Variants in STARD9 observed in about 807,000 individuals in gnomAD.
STARD9 encodes the protein stAR-related lipid transfer protein 9.
Under a neutral mutation model 399.8 loss-of-function variants are expected in STARD9, and 346 were observed. The ratio of observed to expected loss-of-function variants is 0.87; its 90% confidence interval spans 0.79 to 0.95. The LOEUF is 0.95. Ranked by LOEUF, STARD9 falls within the 40% of genes least tolerant of loss-of-function variation. STARD9 has a pLI of 0.00. For missense variants in STARD9, 5,832 were observed against 5,667.5 expected, an observed-to-expected ratio of 1.03 and a Z score of -0.93; for synonymous variants, 2,203 against 2,143.5, an observed-to-expected ratio of 1.03 and a Z score of -0.77.
chr15:42,678,936 A>C (rs930526329), intron 20 of STARD9, among the ~76,000 whole-genome samples: 1 of 152,214 alleles, frequency 6.6e-6, no homozygotes, highest in Admixed American at 6.5e-5. Context: ...TGCTGCATCT[A>C]TACAGATGGC....
At chr15:42,657,849 A>T (rs1044357766) in intron 9 of STARD9, among the ~76,000 whole-genome samples, 1 of 152,254 alleles carries the variant, frequency 6.6e-6, no homozygotes, top group Non-Finnish European at 1.5e-5. Context: ...TTTTTAATAA[A>T]GTTGCAAAGG....
chr15:42,666,008 G>A (rs911611487), intron 15 of STARD9, among the ~76,000 whole-genome samples, 160 bp downstream of exon 15: 21 of 152,318 alleles, frequency 1.4e-4, no homozygotes, highest in African/African-American at 5.1e-4. Flanking sequence ...GGATGTGTTT[G>A]CCTAGGGGGA....
At chr15:42,669,520 T>C (rs1340221430) in intron 16 of STARD9, 183 bp downstream of exon 16, 1 of 477,260 alleles carries the variant, frequency 2.1e-6, no homozygotes, top group Non-Finnish European at 3.7e-6. Context: ...TGCCTTCGTA[T>C]GTATAGAGCA....
Position 42,688,052 on chromosome 15 carries a change from A to T in STARD9, c.6474A>T (p.Val2158=), listed in dbSNP as rs1415326060. 6.5e-7 allele frequency: 1 copy of T among 1,537,478 alleles called. No individual in the cohort carries two copies. The change falls in exon 23 of 33, where the codon GTA becomes GTT. Residue 2158 remains valine, a synonymous_variant. Transcript: ENST00000290607. The part of the protein sequence containing the change: ...TPNPFRSREG[V]RESEPVREHT... ...ACCCCTTCAGGTCAAGGGAAGGTGTACGAGAGAGTGAACCTGTGAGAGAGC... is the reference window on the plus strand; with the variant it reads ...ACCCCTTCAGGTCAAGGGAAGGTGTTCGAGAGAGTGAACCTGTGAGAGAGC...
At position 42,663,706 on chromosome 15, in the gene STARD9, G is replaced by C. The variant is rs1313694661; in HGVS notation, c.1079-114G>C. ...TCAGAGAAAGGGCCATGACCACCTA[G>C]GTTTCTCATTTCATCAGGGGTCTTA... On this transcript the variant is annotated intron_variant, in intron 12 of 32. Coordinates refer to ENST00000290607, the MANE Select transcript of STARD9 (RefSeq NM_020759.3). 4 of 905,026 alleles carry C rather than the reference G, an allele frequency of 4.4e-6. No individual in the cohort carries two copies. The East Asian group carries it at 1.1e-4, about 24-fold the overall frequency. The allele number at this position is 905,026 out of a possible 1,614,324, so 56.1% of individuals were successfully genotyped here. A position where few individuals can be genotyped will look rare whatever the true frequency, so the allele number is the denominator to read the frequency against.
In STARD9 at chr15:42,651,031, T is replaced by C; in HGVS notation, c.575T>C (p.Val192Ala). Reference sequence around the variant, plus strand: ...AATCCGATAGGTTTATCTCAACATGTAGTTACCAATTATAAGCAAGTAATC... The same window carrying C: ...AATCCGATAGGTTTATCTCAACATGCAGTTACCAATTATAAGCAAGTAATC... ...GPYVQGLSQHVVTNYKQVIQL... is the reference protein window; with the variant it reads ...GPYVQGLSQHAVTNYKQVIQL... The change falls in exon 8 of 33, where the codon GTA (valine) becomes GCA (alanine). Residue 192 changes from valine (V) to alanine (A), a missense_variant. By Grantham distance (64) the Val-to-Ala change is moderately conservative. Coordinates refer to ENST00000290607, the MANE Select transcript of STARD9 (RefSeq NM_020759.3). 6.5e-7 allele frequency: 1 copy of C among 1,533,338 alleles called. No individual in the cohort carries two copies. Among genetic ancestry groups the C allele is most frequent in the Non-Finnish European group, 8.7e-7 (1 of 1,144,104 alleles). 95.0% of individuals were successfully genotyped at this position (1,533,338 alleles called of 1,614,324 possible). A position where few individuals can be genotyped will look rare whatever the true frequency, so the allele number is the denominator to read the frequency against.
At chr15:42,586,258 T>C (rs876992) in intron 3 of STARD9, among the ~76,000 whole-genome samples, 117,104 of 152,142 alleles carry the variant, frequency 0.77, 46,285 homozygotes, top group Non-Finnish European at 0.87. Context: ...TCCTCCTAGG[T>C]AGAGTGGAAA....
At chr15:42,626,286 T>TCTTCCTCTTCCTCCC (rs2059210329) in intron 3 of STARD9, among the ~76,000 whole-genome samples, 4 of 149,026 alleles carry the variant, frequency 2.7e-5, no homozygotes, top group African/African-American at 7.5e-5. Flanking sequence ...CTCTTCCTCC[T>TCTTCCTCTTCCTCCC]CTTCCTCTTC....
chr15:42,606,663 A>G (rs1595621826), intron 3 of STARD9, among the ~76,000 whole-genome samples: 1 of 150,714 alleles, frequency 6.6e-6, no homozygotes. Context: ...AGTTTTTCCA[A>G]GTTGCCTAGG....
At chr15:42,711,112 A>C (rs924096274) in intron 26 of STARD9, among the ~76,000 whole-genome samples, 3 of 151,376 alleles carry the variant, frequency 2.0e-5, no homozygotes, top group African/African-American at 4.9e-5. Flanking sequence ...CAAAGTGCTG[A>C]AATTACCATC....
At chr15:42,707,711 C>A (rs966604177) in intron 26 of STARD9, among the ~76,000 whole-genome samples, 1 of 151,936 alleles carries the variant, frequency 6.6e-6, no homozygotes, top group Non-Finnish European at 1.5e-5. Flanking sequence ...ACCTCATGAT[C>A]CGCCCATAAG....
intron 13 of STARD9, 95 bp downstream of exon 13, chr15:42,664,012 T>G: frequency 1.2e-6 from 1 of 816,786 alleles, no homozygotes; most frequent in Non-Finnish European, 2.0e-6. Context: ...TGTACTCACC[T>G]CAACTTTCCA....
chr15:42,686,740 C>G lies in STARD9; in HGVS notation c.5162C>G (p.Ser1721Ter). The G allele has an allele frequency of 6.5e-7, 1 of 1,537,596 alleles. No individual in the cohort carries two copies. The highest frequency in any genetic ancestry group is 8.7e-7 in the Non-Finnish European group (1 of 1,146,982). Reference sequence around the variant, plus strand: ...ATAAATGTTTCCTTTGCCCTTCCTTCAGGTCCAGAGCTATACCTTCACTCT... The same window carrying G: ...ATAAATGTTTCCTTTGCCCTTCCTTGAGGTCCAGAGCTATACCTTCACTCT... ...RHINVSFALP[S>*]GPELYLHSAP... The change falls in exon 23 of 33, where the codon TCA becomes TGA. Residue 1721 changes from serine (S) to a stop codon, truncating the protein, a stop_gained. Transcript: ENST00000290607. LOFTEE classifies it high-confidence loss of function.
chr15:42,682,490 C>T lies in STARD9; in HGVS notation c.2452C>T (p.Arg818Trp), dbSNP rs899450100. ...CCTCAGCCCTGATGCCACAGTCCCA[C>T]GGCCTCCATGTAGAAGCAAATTGAC... ...QVLSPDATVP[R>W]PPCRSKLTSC... The change falls in exon 22 of 33, where the codon CGG (arginine) becomes TGG (tryptophan). Residue 818 changes from arginine (R) to tryptophan (W), a missense_variant. Physicochemically the swap from Arg to Trp is moderately radical, Grantham distance 101. Coordinates refer to ENST00000290607, the MANE Select transcript of STARD9 (RefSeq NM_020759.3). The T allele has an allele frequency of 1.3e-6, 2 of 1,537,212 alleles. No homozygotes were observed. Among genetic ancestry groups the T allele is most frequent in the Non-Finnish European group, 1.7e-6 (2 of 1,146,894 alleles).
chr15:42,630,816 T>C, intron 3 of STARD9, among the ~76,000 whole-genome samples: 1 of 152,150 alleles, frequency 6.6e-6, no homozygotes, highest in East Asian at 1.9e-4. Flanking sequence ...CTTCTCTTTT[T>C]TTCTTCATCT....
chr15:42,587,774 A>C (rs544840606), intron 3 of STARD9, among the ~76,000 whole-genome samples: 2 of 152,146 alleles, frequency 1.3e-5, no homozygotes, highest in Non-Finnish European at 2.9e-5. Flanking sequence ...CGTGTTGGTC[A>C]GGCTGATCTC....
At chr15:42,606,249 C>T (rs534673645) in intron 3 of STARD9, among the ~76,000 whole-genome samples, 1 of 152,318 alleles carries the variant, frequency 6.6e-6, no homozygotes, top group South Asian at 2.1e-4. Flanking sequence ...ATTCTACTGT[C>T]TCACCACATC....
chr15:42,717,065 A>C lies in STARD9; in HGVS notation c.13494+17A>C, dbSNP rs916838525. On this transcript the variant is annotated intron_variant, in intron 28 of 32. Coordinates refer to ENST00000290607, the MANE Select transcript of STARD9 (RefSeq NM_020759.3). ...ATGGCTGATGTGAGTAACTGCTCCCACCCATCCCTACCATTCCTTTACCCA... is the reference window on the plus strand; with the variant it reads ...ATGGCTGATGTGAGTAACTGCTCCCCCCCATCCCTACCATTCCTTTACCCA... 3.3e-6 allele frequency: 5 copies of C among 1,537,008 alleles called. No individual in the cohort carries two copies. Among genetic ancestry groups the C allele is most frequent in the Non-Finnish European group, 4.4e-6 (5 of 1,146,778 alleles).
Position 42,675,660 on chromosome 15 carries a change from G to A in STARD9, c.1688-4G>A. ...TTGAATTCTCATTTGTCTCTGTGCT[G>A]CAGGAGCTGTCATAACCCTGGGGAA... On this transcript the variant is annotated splice_polypyrimidine_tract_variant and splice_region_variant and intron_variant, in intron 18 of 32. Coordinates refer to ENST00000290607, the MANE Select transcript of STARD9 (RefSeq NM_020759.3). 1 of 1,535,538 alleles carries A rather than the reference G, an allele frequency of 6.5e-7. No individual in the cohort carries two copies. Among genetic ancestry groups the A allele is most frequent in the Non-Finnish European group, 8.7e-7 (1 of 1,145,442 alleles).
Sources: gnomAD v4.1 joint callset for allele counts (sites outside exome capture counted in the v4.1 genomes callset) on GRCh38, gnomAD v4.1.1 for gene constraint, MANE v1.5 for transcripts, NCBI Gene and HGNC (gene_info 2026-07-23, HGNC 2026-07-21) for gene names.